The following ANKIB1 variants were observed in gnomAD, a reference collection of about 807,000 sequenced individuals.
ANKIB1 encodes ankyrin repeat and IBR domain-containing protein 1.
A neutral mutation model predicts 122.1 loss-of-function variants in ANKIB1; 43 were observed. The observed-to-expected ratio is 0.35, with a 90% CI of 0.28 to 0.45. The LOEUF is 0.45. ANKIB1 is among the 20% of genes least tolerant of loss of function. ANKIB1 has a pLI of 1.00. For missense variants in ANKIB1, 992 were observed against 1,329.5 expected (o/e 0.75, Z 3.95); for synonymous variants, 390 against 442.0 (o/e 0.88, Z 1.48).
chr7:92,322,157 C>T (rs1802926560), intron 4 of ANKIB1, among the ~76,000 whole-genome samples: 1 of 152,038 alleles, frequency 6.6e-6, no homozygotes, highest in Non-Finnish European at 1.5e-5. Flanking sequence ...GTCATTTAGT[C>T]AGAAGACATT....
At chr7:92,278,785 A>G (rs1801956419) in intron 1 of ANKIB1, among the ~76,000 whole-genome samples, 1 of 152,224 alleles carries the variant, frequency 6.6e-6, no homozygotes. Flanking sequence ...TGAGCAGCCT[A>G]GGAAAAAATC....
Position 92,398,332 on chromosome 7 carries a change from T to A in ANKIB1, c.2653T>A (p.Leu885Ile). 6.2e-7 allele frequency: 1 copy of A among 1,613,678 alleles called. No homozygotes were observed. The highest frequency in any genetic ancestry group is 8.5e-7 in the Non-Finnish European group (1 of 1,179,746). Residue 885 changes from leucine (L) to isoleucine (I), a missense_variant, in exon 20 of 20, where the codon TTA (leucine) becomes ATA (isoleucine). Leu to Ile is a conservative substitution (Grantham distance 5). Around this residue, in one of 4 missense-constraint regions of ANKIB1, gnomAD observed 384 missense variants for 412.0 expected, o/e 0.93. Transcript: ENST00000265742. ...AGACTTCCTCAGTAATGAAGCATCC[T>A]TAGGTGCGATAGGCACTTCTTTACC... is the stretch of plus-strand genomic sequence containing the variant. ...TRDFLSNEAS[L>I]GAIGTSLPSR...
intron 9 of ANKIB1, among the ~76,000 whole-genome samples, chr7:92,360,258 C>G (rs1803912387): frequency 6.6e-6 from 1 of 152,188 alleles, no homozygotes; most frequent in Non-Finnish European, 1.5e-5. Context: ...GTAACAACCA[C>G]TCTACTTTCT....
chr7:92,300,388 T>C (rs977296804), intron 2 of ANKIB1, among the ~76,000 whole-genome samples: 1 of 152,194 alleles, frequency 6.6e-6, no homozygotes, highest in African/African-American at 2.4e-5. Context: ...TGAAGGACAA[T>C]GGCTCATAAT....
intron 5 of ANKIB1, among the ~76,000 whole-genome samples, chr7:92,328,716 T>A (rs1803084642): frequency 6.6e-6 from 1 of 151,952 alleles, no homozygotes; most frequent in Non-Finnish European, 1.5e-5. Context: ...ATTCCAGTCA[T>A]TTTGAGGCCC....
chr7:92,291,815 T>G (rs2131915896), intron 1 of ANKIB1, among the ~76,000 whole-genome samples: 1 of 152,242 alleles, frequency 6.6e-6, no homozygotes, highest in Non-Finnish European at 1.5e-5. Context: ...GACCTCATGA[T>G]CTACCTGCCT....
At chr7:92,323,968 T>C (rs985541617) in intron 4 of ANKIB1, among the ~76,000 whole-genome samples, 2 of 152,224 alleles carry the variant, frequency 1.3e-5, no homozygotes, top group African/African-American at 4.8e-5. Context: ...AGGTTTAACC[T>C]ACTCTGTTCT....
chr7:92,264,013 C>T (rs538036411), intron 1 of ANKIB1, among the ~76,000 whole-genome samples: 3 of 152,094 alleles, frequency 2.0e-5, no homozygotes, highest in Admixed American at 6.5e-5. Context: ...AGACAGTGAA[C>T]GTGTAAAATT....
chr7:92,334,100 G>A (rs2131965039), intron 5 of ANKIB1, among the ~76,000 whole-genome samples: 1 of 152,206 alleles, frequency 6.6e-6, no homozygotes, highest in African/African-American at 2.4e-5. Flanking sequence ...CTGGGAGATG[G>A]CACTCATTCT....
intron 7 of ANKIB1, 36 bp from the exon 8 acceptor site, chr7:92,350,914 C>T (rs1241995243): frequency 1.2e-5 from 19 of 1,554,098 alleles, no homozygotes; most frequent in Admixed American, 6.4e-5. Flanking sequence ...ACTTAATATC[C>T]TTGCTCGTTT....
intron 11 of ANKIB1, among the ~76,000 whole-genome samples, chr7:92,376,870 A>G (rs1169607980): frequency 6.6e-6 from 1 of 152,186 alleles, no homozygotes; most frequent in Non-Finnish European, 1.5e-5. Flanking sequence ...TAGAACTGAA[A>G]AGAGCTAGGG....
intron 1 of ANKIB1, among the ~76,000 whole-genome samples, chr7:92,249,217 C>T (rs1801268760): frequency 6.6e-6 from 1 of 152,188 alleles, no homozygotes; most frequent in African/African-American, 2.4e-5. Context: ...CACTTCATTT[C>T]AGTAAACCTT....
intron 2 of ANKIB1, among the ~76,000 whole-genome samples, chr7:92,305,821 A>G (rs1035080867): frequency 5.9e-5 from 9 of 152,206 alleles, no homozygotes; most frequent in South Asian, 2.1e-4. Flanking sequence ...AGCTTTGGAA[A>G]TTAAATTATG....
At chr7:92,371,958 T>G (rs1452296543) in intron 11 of ANKIB1, among the ~76,000 whole-genome samples, 4 of 38,874 alleles carry the variant, frequency 1.0e-4, no homozygotes, top group Admixed American at 3.9e-4. Context: ...GGGGTGTGTG[T>G]GTGTGTGTGT....
intron 1 of ANKIB1, among the ~76,000 whole-genome samples, chr7:92,264,663 T>TG (rs1270347512): frequency 1.3e-5 from 2 of 151,752 alleles, no homozygotes; most frequent in African/African-American, 4.8e-5. Flanking sequence ...CTGCCTACCT[T>TG]GGCCTCCCAA....
chr7:92,358,326 T>A (rs969659339), intron 9 of ANKIB1, among the ~76,000 whole-genome samples: 15 of 152,204 alleles, frequency 9.9e-5, no homozygotes, highest in Non-Finnish European at 1.9e-4. Flanking sequence ...CTGCTTTTTT[T>A]TATATCCTTT....
At chr7:92,320,248 C>G (rs1163303601) in intron 4 of ANKIB1, among the ~76,000 whole-genome samples, 1 of 152,168 alleles carries the variant, frequency 6.6e-6, no homozygotes, top group Non-Finnish European at 1.5e-5. Flanking sequence ...CCCATATCAT[C>G]TTCTTATGAG....
intron 11 of ANKIB1, 98 bp downstream of exon 11, chr7:92,371,705 C>T (rs1804257998): frequency 4.4e-6 from 6 of 1,360,882 alleles, no homozygotes; most frequent in Non-Finnish European, 6.0e-6. Context: ...GGGCCTGGTG[C>T]AGTGGCTCTT....
At chr7:92,372,320 T>C (rs1804286808) in intron 11 of ANKIB1, among the ~76,000 whole-genome samples, 1 of 152,206 alleles carries the variant, frequency 6.6e-6, no homozygotes, top group African/African-American at 2.4e-5. Flanking sequence ...CATTGTAAGA[T>C]ACTATAAGTA....
Sources: allele counts gnomAD v4.1 joint callset (sites outside exome capture counted in the v4.1 genomes callset), GRCh38; gene constraint gnomAD v4.1.1; regional missense constraint gnomAD v4.1.1; transcripts MANE v1.5; gene names NCBI Gene and HGNC (gene_info 2026-07-23, HGNC 2026-07-21).